The following CGREF1 variants were observed in gnomAD, a reference collection of about 807,000 sequenced individuals.
The protein encoded by CGREF1 is cell growth regulator with EF-hand domain 1.
A neutral mutation model predicts 17.4 loss-of-function variants in CGREF1; 16 were observed. The observed-to-expected ratio is 0.92, with a 90% CI of 0.62 to 1.40. CGREF1 has a LOEUF of 1.40. Among genes scored for constraint, CGREF1 ranks in the 40% most tolerant of loss-of-function variants. The pLI is 0.00. For missense variants in CGREF1, 296 were observed against 376.4 expected, an observed-to-expected ratio of 0.79 and a Z score of 1.77; for synonymous variants, 142 against 154.6, an observed-to-expected ratio of 0.92 and a Z score of 0.61.
intron 5 of CGREF1, 68 bp from the exon 6 acceptor site, chr2:27,101,956 A>AAC (rs1206806873): frequency 6.3e-7 from 1 of 1,580,570 alleles, no homozygotes; most frequent in Non-Finnish European, 8.6e-7. Context: ...GACCCTCCCT[A>AAC]ACACACCCTT....
rs1386965052 is a variant in CGREF1 at position 27,103,202 on chromosome 2, G to T, written c.81-611C>A. 11 of 764,366 alleles carry T rather than the reference G, an allele frequency of 1.4e-5. No homozygotes were observed. The African/African-American group carries it at 1.9e-4, about 13-fold the overall frequency. The allele number at this position is 764,366 out of a possible 1,614,324, so 47.3% of individuals were successfully genotyped here. A position where few individuals can be genotyped will look rare whatever the true frequency, so the allele number is the denominator to read the frequency against. ...CTGTGATGCCAGAGAGCTGGCAGGA[G>T]TTGCAGCGACTTTTGTCACAGCTAC... On this transcript the variant is annotated intron_variant, in intron 2 of 5. Coordinates refer to ENST00000402394, the MANE Select transcript of CGREF1 (RefSeq NM_006569.6).
chr2:27,113,235 C>CCATTCT (rs1671456260), intron 1 of CGREF1, among the ~76,000 whole-genome samples: 1 of 152,004 alleles, frequency 6.6e-6, no homozygotes, highest in Admixed American at 6.6e-5. Context: ...GCTGAGAGAG[C>CCATTCT]CAGTTGACCA....
chr2:27,107,543 G>A (rs1389441670), intron 1 of CGREF1, among the ~76,000 whole-genome samples: 4 of 150,956 alleles, frequency 2.6e-5, no homozygotes, highest in East Asian at 2.0e-4. Context: ...ATGAGTCACC[G>A]CACCCGGCCA....
intron 1 of CGREF1, among the ~76,000 whole-genome samples, chr2:27,108,036 T>C (rs1245213535): frequency 1.3e-5 from 2 of 150,978 alleles, no homozygotes; most frequent in Non-Finnish European, 2.9e-5. Context: ...AAAAGATTGA[T>C]TTTAAAAATG....
chr2:27,101,212 T>C lies in CGREF1; in HGVS notation c.*62A>G, dbSNP rs1388656165. On this transcript the variant is annotated 3_prime_UTR_variant, in exon 6 of 6. Transcript: ENST00000402394. ...TCCTTGTCCCAGCGTACATTTCCCC[T>C]GCCCACTTCAGGGCTTATGTTCTGG... 62 of 1,512,534 alleles carry C rather than the reference T, an allele frequency of 4.1e-5. No homozygotes were observed. Among genetic ancestry groups the C allele is most frequent in the Non-Finnish European group, 5.2e-5 (59 of 1,132,904 alleles). 93.7% of individuals were successfully genotyped at this position (1,512,534 alleles called of 1,614,324 possible). A position where few individuals can be genotyped will look rare whatever the true frequency, so the allele number is the denominator to read the frequency against.
Position 27,102,528 on chromosome 2 carries a change from G to T in CGREF1, c.144C>A (p.Leu48=). Residue 48 remains leucine, a splice_region_variant and synonymous_variant, in exon 3 of 6, where the codon CTC becomes CTA. Coordinates refer to ENST00000402394, the MANE Select transcript of CGREF1 (RefSeq NM_006569.6). The part of the protein sequence containing the change: ...PNPFQPGQEQ[L]GLLQSYLKGL... ...CACCCCCGGCCCACCCTACTCACCCGAGCTGCTCCTGGCCTGGCTGGAAGG... is the reference window on the plus strand; with the variant it reads ...CACCCCCGGCCCACCCTACTCACCCTAGCTGCTCCTGGCCTGGCTGGAAGG... The T allele has an allele frequency of 6.2e-7, 1 of 1,613,982 alleles. No individual in the cohort carries two copies. The highest frequency in any genetic ancestry group is 8.5e-7 in the Non-Finnish European group (1 of 1,179,910).
intron 1 of CGREF1, among the ~76,000 whole-genome samples, chr2:27,108,987 C>T (rs1464109005): frequency 2.6e-5 from 4 of 152,044 alleles, no homozygotes; most frequent in Non-Finnish European, 5.9e-5. Context: ...CTTTGTTGCC[C>T]AGGCTGGTCT....
At chr2:27,108,414 G>A (rs1671220933) in intron 1 of CGREF1, among the ~76,000 whole-genome samples, 1 of 152,100 alleles carries the variant, frequency 6.6e-6, no homozygotes, top group Non-Finnish European at 1.5e-5. Flanking sequence ...TAAAACAGAG[G>A]TTAAGTGGCA....
chr2:27,104,879 A>C, intron 1 of CGREF1: 2 of 1,273,488 alleles, frequency 1.6e-6, no homozygotes, highest in Non-Finnish European at 2.1e-6. Flanking sequence ...AACAAATCAA[A>C]AGAGGCGCAG....
chr2:27,099,914 G>A (rs565438453), downstream of CGREF1: 9 of 1,490,580 alleles, frequency 6.0e-6, no homozygotes, highest in African/African-American at 5.6e-5. Context: ...GAGAGGCTCT[G>A]GGGGGATGGC....
chr2:27,112,362 C>G (rs1671424191), intron 1 of CGREF1, among the ~76,000 whole-genome samples: 1 of 152,114 alleles, frequency 6.6e-6, no homozygotes, highest in South Asian at 2.1e-4. Context: ...ACTAAAGAAA[C>G]AGCAGAGATT....
intron 5 of CGREF1, 61 bp downstream of exon 5, chr2:27,102,036 G>C (rs1349565695): frequency 1.3e-6 from 2 of 1,563,728 alleles, no homozygotes; most frequent in Non-Finnish European, 1.7e-6. Context: ...TGATGAGAAA[G>C]ACCAAAGCCC....
chr2:27,111,632 G>T (rs1178647426), intron 1 of CGREF1, among the ~76,000 whole-genome samples: 3 of 152,214 alleles, frequency 2.0e-5, no homozygotes, highest in African/African-American at 7.2e-5. Flanking sequence ...GGCATGGCGG[G>T]CTGCAGGTCT....
At chr2:27,117,554 C>T (rs1671630616) in intron 1 of CGREF1, among the ~76,000 whole-genome samples, 2 of 152,184 alleles carry the variant, frequency 1.3e-5, no homozygotes, top group Admixed American at 1.3e-4. Context: ...TCACAATGAC[C>T]CTCCGGCCCC....
intron 1 of CGREF1, among the ~76,000 whole-genome samples, chr2:27,108,455 G>A (rs1242298157): frequency 1.3e-5 from 2 of 151,984 alleles, no homozygotes; most frequent in Admixed American, 6.6e-5. Context: ...AGATACAACT[G>A]GAAAAAAGCA....
chr2:27,100,396 G>GTCTC (rs1670745811), downstream of CGREF1: 1 of 1,278,034 alleles, frequency 7.8e-7, no homozygotes, highest in African/African-American at 1.5e-5. Flanking sequence ...GAGCCTGAAA[G>GTCTC]TCTCACCCTT....
chr2:27,107,328 C>T (rs1671159935), intron 1 of CGREF1, among the ~76,000 whole-genome samples: 1 of 152,040 alleles, frequency 6.6e-6, no homozygotes, highest in Non-Finnish European at 1.5e-5. Context: ...AATCTCAGCT[C>T]ACTGCAATCT....
In CGREF1 at chr2:27,100,985, T is replaced by G; in HGVS notation, c.*289A>C. On this transcript the variant is annotated 3_prime_UTR_variant, in exon 6 of 6. Coordinates refer to ENST00000402394, the MANE Select transcript of CGREF1 (RefSeq NM_006569.6). Reference sequence around the variant, plus strand: ...GGAGCACCGTGAGGCCCAGAAACACTGGGCAGGCGGCATCCCTGTCCTTTC... The same window carrying G: ...GGAGCACCGTGAGGCCCAGAAACACGGGGCAGGCGGCATCCCTGTCCTTTC... 1 of 1,214,286 alleles carries G rather than the reference T, an allele frequency of 8.2e-7. No individual in the cohort carries two copies. The highest frequency in any genetic ancestry group is 1.0e-6 in the Non-Finnish European group (1 of 975,016). 75.2% of individuals were successfully genotyped at this position (1,214,286 alleles called of 1,614,324 possible). A position where few individuals can be genotyped will look rare whatever the true frequency, so the allele number is the denominator to read the frequency against.
intron 1 of CGREF1, chr2:27,110,767 TA>T (rs1362379244): frequency 1.3e-5 from 2 of 155,250 alleles, no homozygotes; most frequent in South Asian, 2.0e-4. Context: ...TTACAGTTCC[TA>T]AAGGCGGCGT....
Sources: gnomAD v4.1 joint callset for allele counts (sites outside exome capture counted in the v4.1 genomes callset) on GRCh38, gnomAD v4.1.1 for gene constraint, MANE v1.5 for transcripts, NCBI Gene and HGNC (gene_info 2026-07-23, HGNC 2026-07-21) for gene names.